Variants in NT5C1B observed in about 807,000 individuals in gnomAD.
NT5C1B encodes the protein 5'-nucleotidase, cytosolic IB.
A neutral mutation model predicts 57.8 loss-of-function variants in NT5C1B; 44 were observed. The observed-to-expected ratio is 0.76, with a 90% CI of 0.60 to 0.98. The LOEUF (loss-of-function observed/expected upper bound fraction) is 0.98, where lower values mean the gene tolerates loss of function less well. NT5C1B is among the 50% of genes least tolerant of loss of function. The pLI, the probability that NT5C1B is intolerant of heterozygous loss-of-function variation, is 0.00. For synonymous variants in NT5C1B, 284 were observed against 282.6 expected (o/e 1.00, Z -0.05); for missense variants, 742 against 719.5 (o/e 1.03, Z -0.36).
chr2:18,574,839 T>A (rs570806039), intron 8 of NT5C1B, among the ~76,000 whole-genome samples: 1 of 152,174 alleles, frequency 6.6e-6, no homozygotes, highest in African/African-American at 2.4e-5. Flanking sequence ...ACAAAAAAAA[T>A]TTTAAAAGAC....
chr2:18,588,271 A>G (rs770719203), intron 1 of NT5C1B, among the ~76,000 whole-genome samples: 1 of 152,244 alleles, frequency 6.6e-6, no homozygotes, highest in Non-Finnish European at 1.5e-5. Context: ...TGGAGGAGAT[A>G]CTTATTGGAA....
chr2:18,589,314 C>T (rs1666990982), intron 1 of NT5C1B, 125 bp downstream of exon 1: 3 of 1,312,652 alleles, frequency 2.3e-6, no homozygotes, highest in Admixed American at 1.8e-5. Flanking sequence ...TTCTCTTTTC[C>T]TCTACCTGAA....
rs761163465 is a variant in NT5C1B, at chr2:18,584,594, C to T, written c.643G>A (p.Glu215Lys). Residue 215 changes from glutamate to lysine, a missense_variant, in exon 4 of 9, where the codon GAG becomes AAG. Coordinates refer to ENST00000304081, the Ensembl canonical transcript of NT5C1B. This position sits in a 1 kb window ranked among gnomAD's most constrained non-coding sequence, Gnocchi z 5.8. ...CAGTAGGCAGCCTCGTAGTCGTCCT[C>T]GTCCTCCCGCTGCTGCTGCTGCTGC... The T allele has an allele frequency of 2.0e-5, 32 of 1,612,370 alleles. No homozygotes were observed. The highest frequency in any genetic ancestry group is 1.6e-4 in the Middle Eastern group (1 of 6,080).
intron 8 of NT5C1B, among the ~76,000 whole-genome samples, chr2:18,569,802 A>G (rs1340580540): frequency 6.6e-6 from 1 of 152,134 alleles, no homozygotes; most frequent in East Asian, 1.9e-4. Flanking sequence ...TAAAGCAAGT[A>G]GACAGAAAAT....
At chr2:18,574,290 G>A (rs1665472942) in intron 8 of NT5C1B, among the ~76,000 whole-genome samples, 1 of 152,058 alleles carries the variant, frequency 6.6e-6, no homozygotes, top group Non-Finnish European at 1.5e-5. Flanking sequence ...TACCAGTCAA[G>A]ATGGTTATTA....
rs151245576 is a variant in NT5C1B, at chr2:18,579,262, C to T, written c.1022-2367G>A. ...GCTATTCCTATCAAACTACCAATGA[C>T]ATTTTTCACAGAATTAGAAAAAACT... On this transcript the variant is annotated intron_variant, in intron 6 of 8. Transcript: ENST00000304081. Among the ~76,000 whole-genome samples, 464 of 152,302 alleles carry T rather than the reference C, an allele frequency of 3.0e-3. 4 individuals are homozygous for T. Among genetic ancestry groups the T allele is most frequent in the Admixed American group, 0.017 (263 of 15,296 alleles).
At chr2:18,585,045 C>T (rs1666573390) in intron 3 of NT5C1B, 67 bp from the exon 4 acceptor site, 1 of 1,588,044 alleles carries the variant, frequency 6.3e-7, no homozygotes, top group African/African-American at 1.3e-5. Flanking sequence ...GGATCTGTCC[C>T]TTCTGCCTAT....
exon 2 of NT5C1B, chr2:18,587,559 G>A (rs755317507): frequency 2.5e-6 from 4 of 1,613,610 alleles, no homozygotes; most frequent in Non-Finnish European, 3.4e-6. Flanking sequence ...TCTGCTTCTA[G>A]ACTCTCTTTT....
At chr2:18,581,372 T>TCC (rs1449716182) in intron 6 of NT5C1B, among the ~76,000 whole-genome samples, 7 of 152,154 alleles carry the variant, frequency 4.6e-5, no homozygotes, top group Non-Finnish European at 8.8e-5. Flanking sequence ...AAGCAAAACA[T>TCC]GTTCAACAAT....
intron 1 of NT5C1B, among the ~76,000 whole-genome samples, chr2:18,587,981 T>G (rs1666875995): frequency 6.6e-6 from 1 of 152,224 alleles, no homozygotes; most frequent in Non-Finnish European, 1.5e-5. Flanking sequence ...CATTTAGAAT[T>G]CAATTTTTTC....
chr2:18,586,839 A>C (rs1666755358), intron 2 of NT5C1B: 4 of 1,378,862 alleles, frequency 2.9e-6, no homozygotes, highest in East Asian at 5.1e-5. Flanking sequence ...AGCTGCTGAA[A>C]AGGAATGGAG....
intron 6 of NT5C1B, among the ~76,000 whole-genome samples, chr2:18,577,960 A>G (rs528034911): frequency 6.6e-6 from 1 of 152,248 alleles, no homozygotes; most frequent in East Asian, 1.9e-4. Flanking sequence ...ATAGTAAAAC[A>G]AAACAAAAAC....
chr2:18,588,644 T>C (rs1666939124), intron 1 of NT5C1B, among the ~76,000 whole-genome samples: 1 of 152,254 alleles, frequency 6.6e-6, no homozygotes, highest in Admixed American at 6.5e-5. Flanking sequence ...ATCATTGCCT[T>C]GTTCCAGGTC....
chr2:18,568,283 G>C (rs1487917835), intron 8 of NT5C1B, among the ~76,000 whole-genome samples: 1 of 152,166 alleles, frequency 6.6e-6, no homozygotes, highest in African/African-American at 2.4e-5. Flanking sequence ...CATCTTTAAA[G>C]TGCTGGGAGA....
chr2:18,585,478 G>A (rs959607710), intron 3 of NT5C1B, among the ~76,000 whole-genome samples: 2 of 152,072 alleles, frequency 1.3e-5, no homozygotes, highest in Non-Finnish European at 2.9e-5. Context: ...GTCTCTCCCC[G>A]CTCCCCATGT....
In NT5C1B at chr2:18,563,616, G is replaced by A. The variant is rs565567354; in HGVS notation, c.*180C>T. The A allele has an allele frequency of 9.9e-5, 55 of 557,026 alleles. No individual in the cohort carries two copies. The South Asian group carries it at 2.0e-3, about 20-fold the overall frequency. 34.5% of individuals were successfully genotyped at this position (557,026 alleles called of 1,614,324 possible). A position where few individuals can be genotyped will look rare whatever the true frequency, so the allele number is the denominator to read the frequency against. ...AACAGTATTGGTAGTTCAAAGAGAA[G>A]TAGTTTGATGGTAACTTGAGGGTTC... On this transcript the variant is annotated 3_prime_UTR_variant, in exon 9 of 9. Transcript: ENST00000304081.
At chr2:18,572,064 C>T (rs1367843779) in intron 8 of NT5C1B, among the ~76,000 whole-genome samples, 2 of 121,820 alleles carry the variant, frequency 1.6e-5, no homozygotes, top group East Asian at 2.3e-4. Context: ...CCAGACTGGG[C>T]GACAGAGCGA....
intron 2 of NT5C1B, 62 bp from the exon 3 acceptor site, chr2:18,586,453 T>C (rs1666721389): frequency 8.8e-6 from 14 of 1,594,944 alleles, no homozygotes; most frequent in Non-Finnish European, 1.2e-5. Flanking sequence ...TCTATACGTG[T>C]GCCTGCAGAA....
At chr2:18,580,474 G>A (rs891199822) in intron 6 of NT5C1B, among the ~76,000 whole-genome samples, 9 of 152,122 alleles carry the variant, frequency 5.9e-5, no homozygotes, top group African/African-American at 2.2e-4. Context: ...AATTAGTCGG[G>A]CGTGGTGGCA....
Sources: gnomAD v4.1 joint callset for allele counts (sites outside exome capture counted in the v4.1 genomes callset) on GRCh38, gnomAD v4.1.1 for gene constraint, Gnocchi (gnomAD v3.1) non-coding constraint, MANE v1.5 for transcripts, NCBI Gene and HGNC (gene_info 2026-07-23, HGNC 2026-07-21) for gene names.